The following NR3C1 variants were observed in gnomAD, a reference collection of about 807,000 sequenced individuals.
NR3C1 encodes the protein nuclear receptor subfamily 3 group C member 1.
A neutral mutation model predicts 74.0 loss-of-function variants in NR3C1; 14 were observed. The observed-to-expected ratio is 0.19, with a 90% confidence interval of 0.12 to 0.30. The LOEUF is 0.30. Ranked by LOEUF, NR3C1 falls within the 10% of genes least tolerant of loss-of-function variation. NR3C1 has a pLI of 1.00. For missense variants in NR3C1, 695 were observed against 909.8 expected, an observed-to-expected ratio of 0.76 and a Z score of 3.04; for synonymous variants, 308 against 332.5, an observed-to-expected ratio of 0.93 and a Z score of 0.80.
At chr5:143,417,907 G>T (rs1750996840) in intron 1 of NR3C1, among the ~76,000 whole-genome samples, 1 of 152,184 alleles carries the variant, frequency 6.6e-6, no homozygotes, top group African/African-American at 2.4e-5. Context: ...TGTGGGATTT[G>T]ATCCTTATGA....
intron 1 of NR3C1, among the ~76,000 whole-genome samples, chr5:143,402,202 T>A (rs942567744): frequency 2.0e-4 from 30 of 152,338 alleles, no homozygotes; most frequent in African/African-American, 7.0e-4. Flanking sequence ...AGGTATCGAA[T>A]GGAGCCCAAT....
At chr5:143,404,829 C>A (rs992726391), upstream of NR3C1, among the ~76,000 whole-genome samples, 1 of 152,196 alleles carries the variant, frequency 6.6e-6, no homozygotes, top group African/African-American at 2.4e-5. Flanking sequence ...TCCAAGTTCC[C>A]GGTGCAGGCC....
At chr5:143,350,403 G>T (rs1830026205) in intron 2 of NR3C1, among the ~76,000 whole-genome samples, 1 of 152,134 alleles carries the variant, frequency 6.6e-6, no homozygotes, top group Non-Finnish European at 1.5e-5. Context: ...TATGTGCACA[G>T]AGAGGGGAAA....
At chr5:143,396,246 T>C (rs980387121) in intron 2 of NR3C1, among the ~76,000 whole-genome samples, 1 of 151,840 alleles carries the variant, frequency 6.6e-6, no homozygotes, top group African/African-American at 2.4e-5. Context: ...TTACTAATCA[T>C]GTAGCCATAA....
chr5:143,423,987 T>C (rs1224777901), intron 1 of NR3C1, among the ~76,000 whole-genome samples: 1 of 142,956 alleles, frequency 7.0e-6, no homozygotes, highest in Non-Finnish European at 1.5e-5. Flanking sequence ...CCGCATATTC[T>C]CACTCGTAGG....
chr5:143,420,228 A>G (rs35314635), intron 1 of NR3C1, among the ~76,000 whole-genome samples: 27,679 of 152,144 alleles, frequency 0.18, 2,728 homozygotes, highest in Middle Eastern at 0.35. Flanking sequence ...GTCCTGAGGC[A>G]ACATACATCC....
chr5:143,362,790 G>A (rs1832524030), intron 2 of NR3C1, among the ~76,000 whole-genome samples: 1 of 152,194 alleles, frequency 6.6e-6, no homozygotes, highest in Non-Finnish European at 1.5e-5. Context: ...GACGGGTGGA[G>A]GAGTTGAAAA....
At chr5:143,430,377 TAC>T (rs779073032) in intron 1 of NR3C1, among the ~76,000 whole-genome samples, 11 of 152,252 alleles carry the variant, frequency 7.2e-5, no homozygotes, top group Non-Finnish European at 1.5e-4. Context: ...GATTTTCTTC[TAC>T]ATATTTTTCT....
chr5:143,432,463 C>T (rs1046733254), intron 1 of NR3C1, among the ~76,000 whole-genome samples: 3 of 152,072 alleles, frequency 2.0e-5, no homozygotes, highest in Non-Finnish European at 2.9e-5. Flanking sequence ...TCCATGGATT[C>T]CTGCCATAGT....
In NR3C1 at chr5:143,403,214, T is replaced by C. The variant is rs1465757307; in HGVS notation, c.-17A>G. On this transcript the variant is annotated 5_prime_UTR_variant, in exon 1 of 9. Transcript: ENST00000394464. ...CCCCTCCCGCCTCGCTTCTTACCTC[T>C]GGCAGAGGAGCCGCTCGCCCGCCAC... The C allele has an allele frequency of 1.0e-6, 1 of 984,826 alleles. No individual in the cohort carries two copies. Among genetic ancestry groups the C allele is most frequent in the Non-Finnish European group, 1.2e-6 (1 of 829,894 alleles). 61.0% of individuals were successfully genotyped at this position (984,826 alleles called of 1,614,324 possible).
At chr5:143,335,002 G>A (rs1399729460) in intron 2 of NR3C1, among the ~76,000 whole-genome samples, 1 of 152,188 alleles carries the variant, frequency 6.6e-6, no homozygotes, top group Non-Finnish European at 1.5e-5. Flanking sequence ...AAAAGAAGAA[G>A]AAACACTGAA....
chr5:143,380,802 T>A (rs1836078548), intron 2 of NR3C1, among the ~76,000 whole-genome samples: 1 of 152,190 alleles, frequency 6.6e-6, no homozygotes, highest in Non-Finnish European at 1.5e-5. Context: ...CTATAATCAA[T>A]TAGTTTGAAA....
rs1833185266 is a variant in NR3C1, at chr5:143,366,377, G to A, written c.1184+33279C>T. Among the ~76,000 whole-genome samples, 5 of 152,072 alleles carry A rather than the reference G, an allele frequency of 3.3e-5. No homozygotes were observed. The South Asian group carries it at 1.0e-3, about 32-fold the overall frequency. ...TATAAAAAATTAGCCAGGCGTGGTG[G>A]TGGGCGCTTGTAATCCCAGCTACTT... On this transcript the variant is annotated intron_variant, in intron 2 of 8. Coordinates refer to ENST00000394464, the MANE Select transcript of NR3C1 (RefSeq NM_000176.3).
intron 2 of NR3C1, among the ~76,000 whole-genome samples, chr5:143,362,300 G>GTCCACAT (rs750652904): frequency 6.6e-5 from 10 of 151,566 alleles, no homozygotes; most frequent in Non-Finnish European, 1.0e-4. Flanking sequence ...GAAAATAACA[G>GTCCACAT]TCCACATTCC....
intron 2 of NR3C1, among the ~76,000 whole-genome samples, chr5:143,317,028 T>A (rs1822267061): frequency 6.6e-6 from 1 of 152,148 alleles, no homozygotes; most frequent in Non-Finnish European, 1.5e-5. Context: ...CTTCAGGCAG[T>A]CGTTCTGGGC....
At chr5:143,308,006 C>T (rs1820014281) in intron 4 of NR3C1, among the ~76,000 whole-genome samples, 2 of 152,168 alleles carry the variant, frequency 1.3e-5, no homozygotes, top group South Asian at 4.1e-4. Flanking sequence ...TGACACTCTG[C>T]AGTTAAGTTT....
chr5:143,348,309 A>G (rs577403763), intron 2 of NR3C1, among the ~76,000 whole-genome samples: 5 of 152,354 alleles, frequency 3.3e-5, no homozygotes, highest in Non-Finnish European at 1.5e-5. Flanking sequence ...ATAGTACTTT[A>G]AAAAACTGAT....
Position 143,282,632 on chromosome 5 carries a change from C to T in NR3C1, c.2117G>A (p.Gly706Glu). The T allele has an allele frequency of 1.2e-6, 2 of 1,614,060 alleles. No individual in the cohort carries two copies. The highest frequency in any genetic ancestry group is 1.7e-6 in the Non-Finnish European group (2 of 1,179,958). The change falls in exon 8 of 9, where the codon GGA (glycine) becomes GAA (glutamate). Residue 706 changes from glycine to glutamate, a missense_variant. Physicochemically the swap from Gly to Glu is moderately conservative, Grantham distance 98 (BLOSUM62 -2). Around this residue, in one of 4 missense-constraint regions of NR3C1, gnomAD observed 133 missense variants for 287.9 expected, o/e 0.46. Transcript: ENST00000394464. ...CCGCTGCCAGTTCTGGCTGGAGTTTCCTTCCCTCTTGACAATGGCTTTTCC... is the reference window on the plus strand; with the variant it reads ...CCGCTGCCAGTTCTGGCTGGAGTTTTCTTCCCTCTTGACAATGGCTTTTCC... ...ELGKAIVKRE[G>E]NSSQNWQRFY...
intron 2 of NR3C1, among the ~76,000 whole-genome samples, chr5:143,341,147 A>G (rs1229524796): frequency 6.6e-6 from 1 of 152,246 alleles, no homozygotes; most frequent in Non-Finnish European, 1.5e-5. Flanking sequence ...TGATTTATTA[A>G]GAAGCCTGAA....
Sources: allele counts gnomAD v4.1 joint callset (sites outside exome capture counted in the v4.1 genomes callset), GRCh38; gene constraint gnomAD v4.1.1; regional missense constraint gnomAD v4.1.1; transcripts MANE v1.5; gene names NCBI Gene and HGNC (gene_info 2026-07-23, HGNC 2026-07-21).